MND1: variants seen among roughly 807,000 people sequenced by gnomAD.
MND1 encodes the protein meiotic nuclear division protein 1 homolog.
A neutral mutation model predicts 35.1 loss-of-function variants in MND1; 28 were observed. The ratio of observed to expected loss-of-function variants is 0.80; its 90% CI spans 0.59 to 1.09. The LOEUF (loss-of-function observed/expected upper bound fraction) is 1.09, where lower values mean the gene tolerates loss of function less well. Ranked by LOEUF, MND1 falls within the 50% of genes least tolerant of loss-of-function variation. MND1 has a pLI of 0.00. For missense variants in MND1, 213 were observed against 239.6 expected (o/e 0.89, Z 0.73); for synonymous variants, 69 against 70.5 (o/e 0.98, Z 0.11).
At chr4:153,393,924 CTT>C (rs36028750) in intron 4 of MND1, among the ~76,000 whole-genome samples, 2 of 56,474 alleles carry the variant, frequency 3.5e-5, no homozygotes, top group South Asian at 8.6e-4. Context: ...ACTTTGTTTT[CTT>C]TTTTTTTTTT....
chr4:153,360,380 A>C (rs1773451482), intron 4 of MND1, among the ~76,000 whole-genome samples: 1 of 152,036 alleles, frequency 6.6e-6, no homozygotes, highest in African/African-American at 2.4e-5. Flanking sequence ...GTTGTAACTA[A>C]ATAGTCGTGG....
rs551430768 is a variant in MND1 at position 153,371,387 on chromosome 4, C to G, written c.276+12765C>G. On this transcript the variant is annotated intron_variant, in intron 4 of 7. Transcript: ENST00000240488. ...TAGCTATGAAAGTCCTAGATGGCATCTTTTTCCAACAGAAGGCTGTTTTGT... is the reference window on the plus strand; with the variant it reads ...TAGCTATGAAAGTCCTAGATGGCATGTTTTTCCAACAGAAGGCTGTTTTGT... Among the ~76,000 whole-genome samples, 62 of 152,194 alleles carry G rather than the reference C, an allele frequency of 4.1e-4. No individual in the cohort carries two copies. In the South Asian group the frequency reaches 0.013, roughly 31 times the overall value.
intron 4 of MND1, among the ~76,000 whole-genome samples, chr4:153,371,866 T>C (rs752431574): frequency 5.9e-5 from 9 of 152,140 alleles, no homozygotes; most frequent in Non-Finnish European, 1.0e-4. Flanking sequence ...TCTTCCTAAC[T>C]AAGCTTAATC....
chr4:153,357,397 C>G (rs553190304), intron 3 of MND1, among the ~76,000 whole-genome samples: 2 of 152,168 alleles, frequency 1.3e-5, no homozygotes, highest in Non-Finnish European at 1.5e-5. Flanking sequence ...ACCAATCCCC[C>G]ACACAATTGG....
chr4:153,346,057 CT>C (rs1242221533), intron 1 of MND1, among the ~76,000 whole-genome samples: 1 of 152,150 alleles, frequency 6.6e-6, no homozygotes, highest in Non-Finnish European at 1.5e-5. Flanking sequence ...AAAATTAAAG[CT>C]TTTGATAAGA....
At chr4:153,386,496 T>A (rs753533418) in intron 4 of MND1, among the ~76,000 whole-genome samples, 24 of 151,978 alleles carry the variant, frequency 1.6e-4, no homozygotes, top group Non-Finnish European at 2.9e-4. Context: ...AGACTGTGGA[T>A]CATGAGGTCA....
intron 4 of MND1, among the ~76,000 whole-genome samples, chr4:153,392,165 G>A (rs1221651548): frequency 3.3e-5 from 5 of 151,408 alleles, no homozygotes; most frequent in South Asian, 2.1e-4. Context: ...GCAGTGGCGC[G>A]ATCTCGGCTC....
chr4:153,359,958 T>C (rs1349504628), intron 4 of MND1, among the ~76,000 whole-genome samples: 1 of 152,026 alleles, frequency 6.6e-6, no homozygotes, highest in East Asian at 1.9e-4. Flanking sequence ...CAACTAATTT[T>C]GTATTTTTAG....
In MND1 at chr4:153,414,762, G is replaced by A. The variant is rs558905999; in HGVS notation, c.523G>A (p.Ala175Thr). 2.2e-5 allele frequency: 32 copies of A among 1,449,324 alleles called. No individual in the cohort carries two copies. Among genetic ancestry groups the A allele is most frequent in the Middle Eastern group, 1.8e-4 (1 of 5,568 alleles). 89.8% of individuals were successfully genotyped at this position (1,449,324 alleles called of 1,614,324 possible). ...AANRWTDNIF[A>T]IKSWAKRKFG... Reference sequence around the variant, plus strand: ...AATTTTCTTTATAGATAACATATTCGCAATAAAATCTTGGGCCAAAAGAAA... The same window carrying A: ...AATTTTCTTTATAGATAACATATTCACAATAAAATCTTGGGCCAAAAGAAA... The change falls in exon 8 of 8, where the codon GCA becomes ACA. Residue 175 changes from alanine (A) to threonine (T), a missense_variant. By Grantham distance (58) the Ala-to-Thr change is moderately conservative. Transcript: ENST00000240488.
At chr4:153,411,979 G>C (rs1729696744) in intron 7 of MND1, among the ~76,000 whole-genome samples, 1 of 152,166 alleles carries the variant, frequency 6.6e-6, no homozygotes, top group African/African-American at 2.4e-5. Context: ...GATGTGATTA[G>C]CAAGAATGTA....
chr4:153,400,859 G>A (rs916142413), intron 6 of MND1, among the ~76,000 whole-genome samples: 2 of 152,170 alleles, frequency 1.3e-5, no homozygotes, highest in African/African-American at 4.8e-5. Flanking sequence ...ATTAGGATCA[G>A]AAGACCAGAA....
intron 3 of MND1, among the ~76,000 whole-genome samples, chr4:153,356,947 T>C (rs961477335): frequency 3.3e-5 from 5 of 152,072 alleles, no homozygotes; most frequent in Non-Finnish European, 7.4e-5. Context: ...CTCAGCCTCA[T>C]GAGTAGCTGG....
chr4:153,344,758 G>T lies in MND1; in HGVS notation c.3+18G>T. 1.2e-6 allele frequency: 2 copies of T among 1,600,692 alleles called. No individual in the cohort carries two copies. Among genetic ancestry groups the T allele is most frequent in the Non-Finnish European group, 1.7e-6 (2 of 1,174,766 alleles). ...GCGCCATGGTAAGGACTGAGGCTAC[G>T]GTCCCGCGTCTTCTTCCTCCCTAGT... On this transcript the variant is annotated intron_variant, in intron 1 of 7. Coordinates refer to ENST00000240488, the MANE Select transcript of MND1 (RefSeq NM_032117.4).
At chr4:153,353,866 C>A (rs1773279170) in intron 2 of MND1, among the ~76,000 whole-genome samples, 1 of 152,058 alleles carries the variant, frequency 6.6e-6, no homozygotes, top group South Asian at 2.1e-4. Flanking sequence ...ATTACTGGTG[C>A]CCACCATAAC....
Position 153,360,679 on chromosome 4 carries a change from A to T in MND1, c.276+2057A>T, listed in dbSNP as rs371978760. Among the ~76,000 whole-genome samples, 163 of 95,192 alleles carry T rather than the reference A, an allele frequency of 1.7e-3. 1 individual carries two copies. Among genetic ancestry groups the T allele is most frequent in the African/African-American group, 7.2e-3 (146 of 20,252 alleles). 62.4% of individuals were successfully genotyped at this position (95,192 alleles called of 152,430 possible). A position where few individuals can be genotyped will look rare whatever the true frequency, so the allele number is the denominator to read the frequency against. ...ATAAATATTTTTATATAAATAAATA[A>T]ATAAATAAATACTATAAATATTTTT... On this transcript the variant is annotated intron_variant, in intron 4 of 7. Transcript: ENST00000240488.
At chr4:153,377,956 A>G (rs924832185) in intron 4 of MND1, among the ~76,000 whole-genome samples, 2 of 151,934 alleles carry the variant, frequency 1.3e-5, no homozygotes, top group Non-Finnish European at 2.9e-5. Context: ...TGTCTTTTAT[A>G]TATATCTTTT....
chr4:153,369,143 T>C (rs1166032174), intron 4 of MND1, among the ~76,000 whole-genome samples: 1 of 152,250 alleles, frequency 6.6e-6, no homozygotes, highest in Non-Finnish European at 1.5e-5. Flanking sequence ...CTCAGTTCTA[T>C]GATGGCTTTT....
chr4:153,384,315 G>T (rs1189499077), intron 4 of MND1, among the ~76,000 whole-genome samples: 1 of 139,042 alleles, frequency 7.2e-6, no homozygotes. Flanking sequence ...CTGTTGCACA[G>T]GCTGGAGTGT....
chr4:153,390,925 G>A (rs866562779), intron 4 of MND1, among the ~76,000 whole-genome samples: 1,992 of 141,256 alleles, frequency 0.014, 41 homozygotes, highest in African/African-American at 0.051. Context: ...GTATATGTGT[G>A]TGTGTGTGTG....
Sources: allele counts gnomAD v4.1 joint callset (sites outside exome capture counted in the v4.1 genomes callset), GRCh38; gene constraint gnomAD v4.1.1; transcripts MANE v1.5; gene names NCBI Gene and HGNC (gene_info 2026-07-23, HGNC 2026-07-21).